Variants in TBCE observed in about 807,000 individuals in gnomAD.
The protein encoded by TBCE is tubulin folding cofactor E, also known as tubulin-specific chaperone E.
Under a neutral mutation model 77.0 loss-of-function variants are expected in TBCE, and 53 were observed. The ratio of observed to expected loss-of-function variants is 0.69; its 90% confidence interval spans 0.55 to 0.87. TBCE has a LOEUF of 0.87. Among genes scored for constraint, TBCE ranks in the 40% least tolerant of loss-of-function variants. The pLI is 0.00. For missense variants in TBCE, 624 were observed against 622.4 expected, an observed-to-expected ratio of 1.00 and a Z score of -0.03; for synonymous variants, 235 against 241.3, an observed-to-expected ratio of 0.97 and a Z score of 0.24.
chr1:235,386,849 T>C (rs1678041719), intron 2 of TBCE, among the ~76,000 whole-genome samples: 1 of 152,158 alleles, frequency 6.6e-6, no homozygotes, highest in Admixed American at 6.6e-5. Context: ...TGAGGAGCTG[T>C]GTTCCTTTGG....
rs907740419 is a variant in TBCE, at chr1:235,448,896, G to A, written c.*134G>A. 2.8e-6 allele frequency: 2 copies of A among 725,558 alleles called. No homozygotes were observed. The highest frequency in any genetic ancestry group is 2.3e-4 in the Middle Eastern group (1 of 4,330). The allele number at this position is 725,558 out of a possible 1,614,324, so 44.9% of individuals were successfully genotyped here. A position where few individuals can be genotyped will look rare whatever the true frequency, so the allele number is the denominator to read the frequency against. ...ACTTGTCCTAAGTATAACAAGGGAT[G>A]TATTTTTTGTTGGGAAGTGACCATT... On this transcript the variant is annotated 3_prime_UTR_variant, in exon 17 of 17. Transcript: ENST00000642610.
Position 235,428,488 on chromosome 1 carries a change from T to A in TBCE, c.560+1249T>A, listed in dbSNP as rs115298347. Among the ~76,000 whole-genome samples, 346 of 152,214 alleles carry A rather than the reference T, an allele frequency of 2.3e-3. 1 individual carries two copies. Among genetic ancestry groups the A allele is most frequent in the African/African-American group, 7.8e-3 (325 of 41,540 alleles). On this transcript the variant is annotated intron_variant, in intron 6 of 16. Transcript: ENST00000642610. ...CCTCATGTGTCTGTGTCCTAAATTT[T>A]CCTGGTGGGAGAAGAGGAATACCAG... is the stretch of plus-strand genomic sequence containing the variant.
intron 2 of TBCE, among the ~76,000 whole-genome samples, chr1:235,385,066 C>T (rs1179830886): frequency 6.6e-6 from 1 of 152,118 alleles, no homozygotes; most frequent in African/African-American, 2.4e-5. Flanking sequence ...GTCTTCATTT[C>T]ATTATGTACC....
In TBCE at chr1:235,439,265, G is replaced by A. The variant is rs572614054; in HGVS notation, c.1270+343G>A. Among the ~76,000 whole-genome samples the A allele has an allele frequency of 1.1e-4, 16 of 151,534 alleles. No homozygotes were observed. In the South Asian group the frequency reaches 2.5e-3, roughly 24 times the overall value. ...CCAGCATTTTGGGAGGCTGAGGCGG[G>A]TGGATCACGAGGTCAGGAGATCGAG... On this transcript the variant is annotated intron_variant, in intron 13 of 16. Coordinates refer to ENST00000642610, the MANE Select transcript of TBCE (RefSeq NM_003193.5).
At position 235,448,870 on chromosome 1, in the gene TBCE, A is replaced by G. The variant is rs78867315; in HGVS notation, c.*108A>G. 974 of 846,782 alleles carry G rather than the reference A, an allele frequency of 1.2e-3. 6 individuals are homozygous for G. In the East Asian group the frequency reaches 0.013, roughly 11 times the overall value. 52.5% of individuals were successfully genotyped at this position (846,782 alleles called of 1,614,324 possible). A position where few individuals can be genotyped will look rare whatever the true frequency, so the allele number is the denominator to read the frequency against. ...TACTGTCAAAACAAAGGGGGTTTAC[A>G]ACTTGTCCTAAGTATAACAAGGGAT... On this transcript the variant is annotated 3_prime_UTR_variant, in exon 17 of 17. Transcript: ENST00000642610.
intron 14 of TBCE, 89 bp downstream of exon 14, chr1:235,441,971 T>C: frequency 8.9e-7 from 1 of 1,127,900 alleles, no homozygotes; most frequent in South Asian, 1.4e-5. Context: ...GTGTACCTCT[T>C]AAGTACCTAA....
At chr1:235,426,032 T>C (rs1227490844) in intron 5 of TBCE, among the ~76,000 whole-genome samples, 1 of 152,210 alleles carries the variant, frequency 6.6e-6, no homozygotes, top group East Asian at 1.9e-4. Flanking sequence ...ACTGCGATGC[T>C]CCTGGCCCTA....
chr1:235,448,425 C>T lies in TBCE; in HGVS notation c.1476C>T (p.Ser492=). The T allele has an allele frequency of 6.2e-7, 1 of 1,614,030 alleles. No homozygotes were observed. Among genetic ancestry groups the T allele is most frequent in the African/African-American group, 1.3e-5 (1 of 74,998 alleles). ...LKVPVSDLLL[S]YESPKKPGRE... ...TTCCTGTGTCAGACCTTCTGTTGTC[C>T]TATGAAAGTCCCAAAGTAAGTTGCC... The change falls in exon 16 of 17, where the codon TCC becomes TCT. Residue 492 remains serine (S), a synonymous_variant. Coordinates refer to ENST00000642610, the MANE Select transcript of TBCE (RefSeq NM_003193.5).
chr1:235,400,369 G>A (rs1679019187), intron 2 of TBCE, among the ~76,000 whole-genome samples: 1 of 144,888 alleles, frequency 6.9e-6, no homozygotes, highest in African/African-American at 2.6e-5. Context: ...TACCTTTATT[G>A]GGTTTTTGCT....
chr1:235,369,041 A>C (rs1405293046), intron 1 of TBCE, among the ~76,000 whole-genome samples: 1 of 151,916 alleles, frequency 6.6e-6, no homozygotes. Flanking sequence ...TCTTGTTATC[A>C]CCTTCACTTG....
chr1:235,379,327 A>C (rs867757239), intron 1 of TBCE, among the ~76,000 whole-genome samples: 3 of 152,116 alleles, frequency 2.0e-5, no homozygotes, highest in African/African-American at 7.2e-5. Context: ...CAGAAGTTTG[A>C]GACCAGTCTG....
chr1:235,414,340 A>G (rs889871382), intron 3 of TBCE, 93 bp from the exon 4 acceptor site: 5 of 1,211,128 alleles, frequency 4.1e-6, no homozygotes, highest in African/African-American at 1.5e-5. Context: ...ATTTTTTAGC[A>G]TGTAGAAATT....
intron 5 of TBCE, among the ~76,000 whole-genome samples, chr1:235,421,427 G>C (rs1023382014): frequency 6.6e-6 from 1 of 152,026 alleles, no homozygotes; most frequent in Non-Finnish European, 1.5e-5. Flanking sequence ...TCCCATGGAG[G>C]CTGGGCGCAG....
chr1:235,421,690 A>C (rs892975691), intron 5 of TBCE, among the ~76,000 whole-genome samples: 3 of 152,178 alleles, frequency 2.0e-5, no homozygotes, highest in East Asian at 3.8e-4. Flanking sequence ...CCTGGGTAAC[A>C]GAGTGAGACT....
Position 235,444,971 on chromosome 1 carries a change from A to C in TBCE, c.1399+2060A>C, listed in dbSNP as rs551910410. Among the ~76,000 whole-genome samples, 3 of 152,254 alleles carry C rather than the reference A, an allele frequency of 2.0e-5. No homozygotes were observed. The South Asian group carries it at 6.2e-4, about 32-fold the overall frequency. On this transcript the variant is annotated intron_variant, in intron 15 of 16. Coordinates refer to ENST00000642610, the MANE Select transcript of TBCE (RefSeq NM_003193.5). ...TGACAGTGCCGCCTTACCCTTCTCT[A>C]CTTCCACACTGTACACCTGACTGGT... is the stretch of plus-strand genomic sequence containing the variant.
chr1:235,404,421 TAA>T (rs75951633), intron 3 of TBCE, among the ~76,000 whole-genome samples: 2 of 142,864 alleles, frequency 1.4e-5, no homozygotes, highest in Admixed American at 7.0e-5. Context: ...GATCTCATCA[TAA>T]AAAAAAAAAA....
intron 13 of TBCE, 76 bp downstream of exon 13, chr1:235,438,998 G>C: frequency 6.3e-7 from 1 of 1,599,676 alleles, no homozygotes; most frequent in South Asian, 1.1e-5. Flanking sequence ...GGTATCAAAA[G>C]AGGTTCTCAG....
At chr1:235,432,871 A>T in intron 7 of TBCE, 3 of 570,110 alleles carry the variant, frequency 5.3e-6, no homozygotes, top group Non-Finnish European at 6.9e-6. Context: ...TATATATATT[A>T]TATATTATTA....
chr1:235,437,239 T>G (rs759724496), intron 11 of TBCE, 83 bp from the exon 12 acceptor site: 44 of 1,566,080 alleles, frequency 2.8e-5, no homozygotes, highest in Non-Finnish European at 3.5e-5. Context: ...ACTAGGGACA[T>G]GCTTTCCTGT....
Sources: gnomAD v4.1 joint callset for allele counts (sites outside exome capture counted in the v4.1 genomes callset) on GRCh38, gnomAD v4.1.1 for gene constraint, MANE v1.5 for transcripts, NCBI Gene and HGNC (gene_info 2026-07-23, HGNC 2026-07-21) for gene names.